Variants in DOP1B observed in about 807,000 individuals in gnomAD.
DOP1B encodes DOP1 leucine zipper like protein B.
In DOP1B, 174 loss-of-function variants were observed where a neutral mutation model predicts 233.5. That is an observed-to-expected ratio of 0.75 (90% CI 0.66 to 0.85). The LOEUF is 0.85. Among genes scored for constraint, DOP1B ranks in the 40% least tolerant of loss-of-function variants. DOP1B has a pLI of 0.00. For missense variants in DOP1B, 2,652 were observed against 2,846.6 expected (o/e 0.93, Z 1.56); for synonymous variants, 1,190 against 1,185.6 (o/e 1.00, Z -0.08).
At chr21:36,166,836 G>A (rs2065915736) in intron 2 of DOP1B, among the ~76,000 whole-genome samples, 1 of 152,208 alleles carries the variant, frequency 6.6e-6, no homozygotes, top group Admixed American at 6.5e-5. Context: ...CGCTGCAGAT[G>A]GGCAGTTCTT....
chr21:36,223,697 T>A (rs1050215669), intron 11 of DOP1B, among the ~76,000 whole-genome samples: 1 of 152,250 alleles, frequency 6.6e-6, no homozygotes, highest in Non-Finnish European at 1.5e-5. Flanking sequence ...TTTGTGGCTT[T>A]GTGACTGGAT....
intron 24 of DOP1B, among the ~76,000 whole-genome samples, chr21:36,262,550 T>C (rs2067182173): frequency 6.6e-6 from 1 of 152,116 alleles, no homozygotes; most frequent in Non-Finnish European, 1.5e-5. Flanking sequence ...GGTGATGCTG[T>C]GTTACCAGCC....
chr21:36,205,173 G>A (rs2066413575), intron 4 of DOP1B, among the ~76,000 whole-genome samples: 1 of 152,244 alleles, frequency 6.6e-6, no homozygotes, highest in Non-Finnish European at 1.5e-5. Context: ...GCAAGCAGCT[G>A]CAGAACCAAA....
intron 1 of DOP1B, among the ~76,000 whole-genome samples, chr21:36,164,308 G>A (rs2123387798): frequency 6.6e-6 from 1 of 152,318 alleles, no homozygotes; most frequent in South Asian, 2.1e-4. Context: ...GGGTGGCAGA[G>A]TAAGACCCTG....
intron 15 of DOP1B, among the ~76,000 whole-genome samples, chr21:36,233,946 C>T (rs1159033583): frequency 6.6e-6 from 1 of 152,100 alleles, no homozygotes; most frequent in Non-Finnish European, 1.5e-5. Context: ...CTCTGCCTCC[C>T]ATGTTCAAGC....
intron 2 of DOP1B, chr21:36,168,933 A>T: frequency 5.1e-6 from 3 of 582,802 alleles, no homozygotes; most frequent in Non-Finnish European, 6.1e-6. Flanking sequence ...AATAACTTTT[A>T]TTGAGACCCC....
chr21:36,257,985 G>C (rs1182109801), intron 23 of DOP1B, among the ~76,000 whole-genome samples: 1 of 150,194 alleles, frequency 6.7e-6, no homozygotes, highest in African/African-American at 2.4e-5. Context: ...ATGTAGGTAG[G>C]TAGGTAGATG....
In DOP1B at chr21:36,208,574, G is replaced by A. The variant is rs543042411; in HGVS notation, c.492-141G>A. ...ACACAGCAGGGTGAGAGATGGCAGC[G>A]GCTCCCGGCGATGAGGAAGGTGGGG... On this transcript the variant is annotated intron_variant, in intron 4 of 36. Coordinates refer to ENST00000691173, the MANE Select transcript of DOP1B (RefSeq NM_001320714.2). The A allele has an allele frequency of 1.7e-5, 14 of 826,744 alleles. No homozygotes were observed. In the Middle Eastern group the frequency reaches 8.6e-4, roughly 51 times the overall value. The allele number at this position is 826,744 out of a possible 1,614,324, so 51.2% of individuals were successfully genotyped here.
At chr21:36,279,676 A>G (rs2067394407) in intron 30 of DOP1B, among the ~76,000 whole-genome samples, 1 of 152,192 alleles carries the variant, frequency 6.6e-6, no homozygotes, top group Admixed American at 6.6e-5. Flanking sequence ...AACTGTGTGA[A>G]TATCATCCTG....
intron 36 of DOP1B, 77 bp downstream of exon 36, chr21:36,292,310 G>A (rs2067569774): frequency 4.0e-6 from 5 of 1,248,096 alleles, no homozygotes; most frequent in Admixed American, 2.7e-5. Context: ...AGGTTAGAGT[G>A]CAGTGGTGCG....
At chr21:36,188,120 T>C (rs563113781) in intron 2 of DOP1B, among the ~76,000 whole-genome samples, 2 of 152,344 alleles carry the variant, frequency 1.3e-5, no homozygotes, top group South Asian at 2.1e-4. Context: ...GATTTGGGTA[T>C]GTGGATAACT....
At chr21:36,259,781 CT>C (rs2067148145) in intron 23 of DOP1B, among the ~76,000 whole-genome samples, 3 of 152,134 alleles carry the variant, frequency 2.0e-5, no homozygotes. Flanking sequence ...AATTTCTAGT[CT>C]TTCCTGGGCT....
rs750874265 is a variant in DOP1B, at chr21:36,230,690, A to G, written c.1906A>G (p.Asn636Asp). The G allele has an allele frequency of 1.2e-6, 2 of 1,614,222 alleles. No individual in the cohort carries two copies. The highest frequency in any genetic ancestry group is 1.7e-6 in the Non-Finnish European group (2 of 1,180,038). Residue 636 changes from asparagine (N) to aspartate (D), a missense_variant, in exon 14 of 37, where the codon AAC becomes GAC. Around this residue, in one of 3 missense-constraint regions of DOP1B, gnomAD observed 2,617 missense variants for 2,794.3 expected, o/e 0.94. Transcript: ENST00000691173. ...TCTTTGCATCCAAGAGCTAATCGCC[A>G]ACTTTGCCAGCAAGAACATTTTTGG... Reference protein sequence around the residue: ...TFLCIQELIANFASKNIFGVQ... With the variant: ...TFLCIQELIADFASKNIFGVQ...
chr21:36,285,726 C>T (rs1473371123), intron 32 of DOP1B, among the ~76,000 whole-genome samples: 1 of 152,014 alleles, frequency 6.6e-6, no homozygotes, highest in Non-Finnish European at 1.5e-5. Context: ...TTAAAAGAGG[C>T]AGGAGGCTGG....
chr21:36,159,130 CTCAAAAA>C (rs1447173303), intron 1 of DOP1B, among the ~76,000 whole-genome samples: 3 of 151,152 alleles, frequency 2.0e-5, no homozygotes, highest in Admixed American at 1.3e-4. Flanking sequence ...GAGACTCTGT[CTCAAAAA>C]TCAAAAACCA....
chr21:36,245,352 C>T lies in DOP1B; in HGVS notation c.3372C>T (p.Asn1124=). The T allele has an allele frequency of 6.2e-7, 1 of 1,614,118 alleles. No individual in the cohort carries two copies. The highest frequency in any genetic ancestry group is 8.5e-7 in the Non-Finnish European group (1 of 1,180,050). ...DTSSCHTDSE[N]TSSFSSPSHD... ...GCTCCTGCCACACGGACAGCGAGAACACGTCCTCCTTCTCCTCCCCTTCCC... is the reference window on the plus strand; with the variant it reads ...GCTCCTGCCACACGGACAGCGAGAATACGTCCTCCTTCTCCTCCCCTTCCC... The change falls in exon 19 of 37, where the codon AAC becomes AAT. Residue 1124 remains asparagine, a synonymous_variant. Transcript: ENST00000691173. This position sits in a 1 kb window ranked among gnomAD's most constrained non-coding sequence, Gnocchi z 5.5.
At chr21:36,161,444 A>T (rs2065868707) in intron 1 of DOP1B, among the ~76,000 whole-genome samples, 1 of 151,894 alleles carries the variant, frequency 6.6e-6, no homozygotes, top group South Asian at 2.1e-4. Context: ...GCCTAGTTTT[A>T]TTTTTTTTAA....
intron 2 of DOP1B, among the ~76,000 whole-genome samples, chr21:36,187,550 G>A (rs1234658650): frequency 1.3e-5 from 2 of 151,970 alleles, no homozygotes; most frequent in Non-Finnish European, 2.9e-5. Context: ...GCCTTCCTTT[G>A]CCTCCCAAAG....
chr21:36,225,775 T>C, intron 12 of DOP1B, 108 bp downstream of exon 12: 1 of 1,079,986 alleles, frequency 9.3e-7, no homozygotes, highest in Non-Finnish European at 1.4e-6. Context: ...TTTACATAAA[T>C]ATGCAACACT....
Sources: allele counts gnomAD v4.1 joint callset (sites outside exome capture counted in the v4.1 genomes callset), GRCh38; gene constraint gnomAD v4.1.1; regional missense constraint gnomAD v4.1.1; non-coding constraint Gnocchi (gnomAD v3.1); transcripts MANE v1.5; gene names NCBI Gene and HGNC (gene_info 2026-07-23, HGNC 2026-07-21).